The following GLP2R variants were observed in gnomAD, a reference collection of about 807,000 sequenced individuals.
The protein encoded by GLP2R is glucagon-like peptide 2 receptor.
A neutral mutation model predicts 68.2 loss-of-function variants in GLP2R; 59 were observed. That is an observed-to-expected ratio of 0.87 (90% CI 0.70 to 1.07). The LOEUF is 1.07. GLP2R is among the 50% of genes least tolerant of loss of function. The pLI, the probability that GLP2R is intolerant of heterozygous loss-of-function variation, is 0.00. For missense variants in GLP2R, 548 were observed against 677.4 expected (o/e 0.81, Z 2.12); for synonymous variants, 270 against 265.4 (o/e 1.02, Z -0.17).
intron 10 of GLP2R, among the ~76,000 whole-genome samples, chr17:9,876,983 C>T (rs1351904609): frequency 6.6e-6 from 1 of 152,184 alleles, no homozygotes; most frequent in African/African-American, 2.4e-5. Context: ...GATGCTATTA[C>T]TATTATAATA....
At chr17:9,849,241 A>G (rs950196392) in intron 4 of GLP2R, among the ~76,000 whole-genome samples, 2 of 152,114 alleles carry the variant, frequency 1.3e-5, no homozygotes, top group Admixed American at 6.5e-5. Context: ...TTCAAAATGT[A>G]ATAACATTTT....
intron 4 of GLP2R, among the ~76,000 whole-genome samples, chr17:9,843,580 C>T (rs2066808556): frequency 6.6e-6 from 1 of 152,208 alleles, no homozygotes; most frequent in Non-Finnish European, 1.5e-5. Flanking sequence ...TTTGGATGAA[C>T]AAACAAATCC....
chr17:9,833,782 G>T, intron 1 of GLP2R, 25 bp from the exon 2 acceptor site: 3 of 1,455,864 alleles, frequency 2.1e-6, no homozygotes, highest in East Asian at 2.3e-5. Flanking sequence ...GGTCACTGGG[G>T]GTGACCATGT....
intron 1 of GLP2R, 57 bp from the exon 2 acceptor site, chr17:9,833,750 C>A (rs1303885325): frequency 1.0e-5 from 11 of 1,050,788 alleles, no homozygotes; most frequent in East Asian, 2.4e-5. Flanking sequence ...TGTGAAGTGA[C>A]AACAAGGCCA....
chr17:9,826,130 G>T lies in GLP2R; in HGVS notation c.67G>T (p.Glu23Ter), dbSNP rs199595070. ...CGCGGGACTCCTGCCTGGCGTCCAC[G>T]AGCTGCCCATGGGCATCCCTGCCCC... is the stretch of plus-strand genomic sequence containing the variant. ...GSAGLLPGVH[E>*]LPMGIPAPWG... The change falls in exon 1 of 13, where the codon GAG (glutamate) becomes TAG (stop). Residue 23 changes from glutamate to a stop codon, truncating the protein, a stop_gained. Transcript: ENST00000262441. LOFTEE classifies it high-confidence loss of function. The T allele has an allele frequency of 2.5e-5, 40 of 1,612,720 alleles. No homozygotes were observed. The highest frequency in any genetic ancestry group is 3.4e-5 in the Non-Finnish European group (40 of 1,179,438).
intron 3 of GLP2R, among the ~76,000 whole-genome samples, chr17:9,838,792 G>A (rs1253256645): frequency 2.6e-5 from 4 of 152,262 alleles, no homozygotes; most frequent in Non-Finnish European, 5.9e-5. Flanking sequence ...AGGGCGCAGA[G>A]GAGAACATGT....
Position 9,857,429 on chromosome 17 carries a change from C to G in GLP2R, c.618C>G (p.Leu206=), listed in dbSNP as rs1381316874. ...ALTLLLFLRK[L]HCTRNYIHMN... ...TGGTTTTCTCCTCGCACAGAAAACT[C>G]CACTGCACGCGCAACTACATCCACA... Residue 206 remains leucine (L), a synonymous_variant, in exon 6 of 13, where the codon CTC becomes CTG. Transcript: ENST00000262441. 1 of 1,614,104 alleles carries G rather than the reference C, an allele frequency of 6.2e-7. No homozygotes were observed.
chr17:9,859,863 C>G, intron 6 of GLP2R, 79 bp from the exon 7 acceptor site: 5 of 423,312 alleles, frequency 1.2e-5, no homozygotes, highest in Non-Finnish European at 1.6e-5. Context: ...GAGGTTGTCT[C>G]TGGGAGGCCC....
chr17:9,847,475 G>A (rs919927116), intron 4 of GLP2R, among the ~76,000 whole-genome samples: 46 of 152,010 alleles, frequency 3.0e-4, no homozygotes, highest in Non-Finnish European at 7.4e-5. Context: ...TCACCATGTT[G>A]GCCAGGCTGG....
intron 10 of GLP2R, 95 bp from the exon 11 acceptor site, chr17:9,880,283 G>T: frequency 1.3e-6 from 1 of 750,134 alleles, no homozygotes; most frequent in Non-Finnish European, 2.2e-6. Context: ...TATCAATATG[G>T]TAAGAGCTGC....
chr17:9,865,190 C>T (rs552794710), intron 9 of GLP2R, among the ~76,000 whole-genome samples: 29 of 152,284 alleles, frequency 1.9e-4, no homozygotes, highest in Middle Eastern at 3.4e-3. Context: ...AACTTCTGTC[C>T]TCTTCCTCCC....
rs186863518 is a variant in GLP2R at position 9,885,350 on chromosome 17, C to T, written c.1285-2582C>T. Among the ~76,000 whole-genome samples, 1,128 of 151,896 alleles carry T rather than the reference C, an allele frequency of 7.4e-3. 16 individuals are homozygous for T. The highest frequency in any genetic ancestry group is 0.025 in the African/African-American group (1,035 of 41,410). On this transcript the variant is annotated intron_variant, in intron 11 of 12. Coordinates refer to ENST00000262441, the MANE Select transcript of GLP2R (RefSeq NM_004246.3). ...GATTGCAAGCATGAGCCACCACACA[C>T]GGCCTCATTTTAATATTTTTAATGA...
chr17:9,880,993 G>A (rs1226513281), intron 11 of GLP2R, among the ~76,000 whole-genome samples: 1 of 152,134 alleles, frequency 6.6e-6, no homozygotes, highest in African/African-American at 2.4e-5. Context: ...GCTAGCTGTG[G>A]TTGTTACCTG....
At chr17:9,837,589 T>C (rs2066744768) in intron 3 of GLP2R, among the ~76,000 whole-genome samples, 1 of 152,200 alleles carries the variant, frequency 6.6e-6, no homozygotes, top group African/African-American at 2.4e-5. Flanking sequence ...TTAACTCCCA[T>C]GGGACTTGGA....
chr17:9,826,257 G>C lies in GLP2R; in HGVS notation c.189+5G>C. 6.4e-7 allele frequency: 1 copy of C among 1,558,850 alleles called. No homozygotes were observed. Among genetic ancestry groups the C allele is most frequent in the Non-Finnish European group, 8.6e-7 (1 of 1,157,688 alleles). On this transcript the variant is annotated splice_donor_5th_base_variant and intron_variant, in intron 1 of 12. Transcript: ENST00000262441. ...CTGCTGGTTTCCATCAAGCAAGTAAGAGCAGTTCATTATTATTATTATTAT... is the reference window on the plus strand; with the variant it reads ...CTGCTGGTTTCCATCAAGCAAGTAACAGCAGTTCATTATTATTATTATTAT...
At chr17:9,871,287 G>A (rs1324872497) in intron 10 of GLP2R, among the ~76,000 whole-genome samples, 5 of 151,518 alleles carry the variant, frequency 3.3e-5, no homozygotes, top group Non-Finnish European at 7.4e-5. Context: ...CCAGAAGGTC[G>A]AGGCTGCAGT....
At chr17:9,845,330 C>T (rs62066031) in intron 4 of GLP2R, among the ~76,000 whole-genome samples, 39,617 of 152,064 alleles carry the variant, frequency 0.26, 6,890 homozygotes, top group Non-Finnish European at 0.39. Flanking sequence ...AAATATTATC[C>T]CATTAAATGT....
At chr17:9,864,278 C>T (rs979336098) in intron 9 of GLP2R, among the ~76,000 whole-genome samples, 4 of 152,132 alleles carry the variant, frequency 2.6e-5, no homozygotes, top group Admixed American at 6.6e-5. Context: ...GTTCTCCAGC[C>T]CCATCTCCCA....
intron 9 of GLP2R, among the ~76,000 whole-genome samples, chr17:9,868,399 C>T (rs894764253): frequency 6.6e-6 from 1 of 152,178 alleles, no homozygotes; most frequent in Non-Finnish European, 1.5e-5. Context: ...GATCTGTGCA[C>T]AGAAGCTGGG....
Sources: allele counts gnomAD v4.1 joint callset (sites outside exome capture counted in the v4.1 genomes callset), GRCh38; gene constraint gnomAD v4.1.1; transcripts MANE v1.5; gene names NCBI Gene and HGNC (gene_info 2026-07-23, HGNC 2026-07-21).